Variants in EPB41L1 observed in about 807,000 individuals in gnomAD.
EPB41L1 encodes band 4.1-like protein 1.
Under a neutral mutation model 97.8 loss-of-function variants are expected in EPB41L1, and 29 were observed. The ratio of observed to expected loss-of-function variants is 0.30; its 90% confidence interval spans 0.22 to 0.40. EPB41L1 has a LOEUF of 0.40. Among genes scored for constraint, EPB41L1 ranks in the 10% least tolerant of loss-of-function variants. The probability of loss-of-function intolerance (pLI) is 1.00; values close to 1 mark genes in which losing one functional copy is unlikely to be tolerated. For missense variants in EPB41L1, 812 were observed against 1,162.3 expected (o/e 0.70, Z 4.38); for synonymous variants, 383 against 459.2 (o/e 0.83, Z 2.12).
intron 2 of EPB41L1, among the ~76,000 whole-genome samples, chr20:36,132,839 A>C (rs1232561639): frequency 1.3e-5 from 2 of 152,190 alleles, no homozygotes; most frequent in African/African-American, 4.8e-5. Context: ...TGGCCTTCAG[A>C]GGTAGTCCTG....
At chr20:36,117,398 G>A (rs2058618814) in intron 2 of EPB41L1, among the ~76,000 whole-genome samples, 1 of 151,760 alleles carries the variant, frequency 6.6e-6, no homozygotes, top group South Asian at 2.1e-4. Context: ...TCTGTAAGGG[G>A]AAAAGAGGCA....
rs367898174 is a variant in EPB41L1, at chr20:36,224,940, G to C, written c.2637+2546G>C. On this transcript the variant is annotated intron_variant, in intron 21 of 21. Coordinates refer to ENST00000338074, the MANE Select transcript of EPB41L1 (RefSeq NM_012156.2). ...GGATTCAAGTGATTCTCGTGCCTCAGCCTCCCAAGTAGCTGAGACTACAGG... is the reference window on the plus strand; with the variant it reads ...GGATTCAAGTGATTCTCGTGCCTCACCCTCCCAAGTAGCTGAGACTACAGG... Among the ~76,000 whole-genome samples the C allele has an allele frequency of 2.0e-4, 31 of 152,192 alleles. No homozygotes were observed. In the East Asian group the frequency reaches 5.8e-3, roughly 29 times the overall value.
At chr20:36,217,035 C>T (rs1339125055) in intron 17 of EPB41L1, among the ~76,000 whole-genome samples, 1 of 152,112 alleles carries the variant, frequency 6.6e-6, no homozygotes, top group Non-Finnish European at 1.5e-5. Flanking sequence ...AGGGTGGGGC[C>T]CAGCAGTGTG....
intron 13 of EPB41L1, 86 bp from the exon 14 acceptor site, chr20:36,197,773 T>C: frequency 6.2e-7 from 1 of 1,611,684 alleles, no homozygotes. Context: ...AGGGTGGTGA[T>C]GGTGACTGCT....
chr20:36,104,398 T>C (rs2058121979), intron 1 of EPB41L1, among the ~76,000 whole-genome samples: 1 of 152,092 alleles, frequency 6.6e-6, no homozygotes, highest in South Asian at 2.1e-4. Flanking sequence ...AGAAGGGGCA[T>C]AGGGTCGGCA....
Position 36,092,707 on chromosome 20 carries a change from G to C in EPB41L1, c.-65+1095G>C, listed in dbSNP as rs929288512. The C allele has an allele frequency of 1.3e-5, 2 of 151,812 alleles. No individual in the cohort carries two copies. The highest frequency in any genetic ancestry group is 2.4e-5 in the African/African-American group (1 of 41,322). The allele number at this position is 151,812 out of a possible 1,614,324, so 9.4% of individuals were successfully genotyped here. A position where few individuals can be genotyped will look rare whatever the true frequency, so the allele number is the denominator to read the frequency against. ...AGCAGGAGCGAGCGCGCGAGAGAGC[G>C]GGGCATTTCTGCGCAGCTCTAGCGC... On this transcript the variant is annotated intron_variant, in intron 1 of 19. Transcript: ENST00000202028. The surrounding 1 kb of genome is among the most constrained non-coding windows in gnomAD (Gnocchi z 7.0).
intron 5 of EPB41L1, among the ~76,000 whole-genome samples, chr20:36,181,244 C>T (rs1053546750): frequency 5.3e-5 from 8 of 152,146 alleles, no homozygotes; most frequent in Admixed American, 3.9e-4. Flanking sequence ...CTGAAATGTT[C>T]CAGGGGTGGG....
intron 14 of EPB41L1, among the ~76,000 whole-genome samples, chr20:36,199,960 A>G (rs2062409339): frequency 6.6e-6 from 1 of 152,140 alleles, no homozygotes; most frequent in South Asian, 2.1e-4. Flanking sequence ...GGGTCTTAGT[A>G]AAAGGTGGAA....
Position 36,218,904 on chromosome 20 carries a change from C to T in EPB41L1, c.2297C>T (p.Ala766Val), listed in dbSNP as rs761764835. ...AACAGTCTCAAGTCCGGGAAGGGGG[C>T]AGCTGCCATGATCCCAGGCCCACAG... is the stretch of plus-strand genomic sequence containing the variant. Reference protein sequence around the residue: ...MENSLKSGKGAAAMIPGPQTV... With the variant: ...MENSLKSGKGVAAMIPGPQTV... The change falls in exon 18 of 22, where the codon GCA becomes GTA. Residue 766 changes from alanine (A) to valine (V), a missense_variant. Transcript: ENST00000338074. 6.2e-7 allele frequency: 1 copy of T among 1,614,168 alleles called. No individual in the cohort carries two copies.
At chr20:36,194,031 G>T (rs1042462164) in intron 11 of EPB41L1, among the ~76,000 whole-genome samples, 181 bp from the exon 12 acceptor site, 2 of 152,196 alleles carry the variant, frequency 1.3e-5, no homozygotes, top group African/African-American at 4.8e-5. Context: ...TGGGCTGGGA[G>T]GCAGCTCTGC....
Position 36,232,448 on chromosome 20 carries a change from C to T in EPB41L1, c.*3108C>T, listed in dbSNP as rs1385220496. The stretch of plus-strand genomic sequence containing the variant: ...GAAAGAACCAGATGCTCTCCAGGGT[C>T]TTTTTCTACTTTGCTATCTCATGGG... On this transcript the variant is annotated 3_prime_UTR_variant, in exon 22 of 22. Transcript: ENST00000338074. The T allele has an allele frequency of 2.5e-6, 1 of 396,816 alleles. No individual in the cohort carries two copies. Among genetic ancestry groups the T allele is most frequent in the Admixed American group, 4.4e-5 (1 of 22,670 alleles). The allele number at this position is 396,816 out of a possible 1,614,324, so 24.6% of individuals were successfully genotyped here.
chr20:36,124,973 G>A (rs559321113), intron 2 of EPB41L1, among the ~76,000 whole-genome samples: 50 of 152,264 alleles, frequency 3.3e-4, no homozygotes, highest in African/African-American at 7.0e-4. Context: ...TGATGCACTC[G>A]TGCCAGATCT....
At chr20:36,128,647 G>A (rs961266255) in intron 2 of EPB41L1, among the ~76,000 whole-genome samples, 5 of 152,204 alleles carry the variant, frequency 3.3e-5, no homozygotes, top group Non-Finnish European at 7.3e-5. Flanking sequence ...CGTGCATTTG[G>A]GCTGTAAGCA....
intron 17 of EPB41L1, among the ~76,000 whole-genome samples, chr20:36,218,444 A>G (rs1325718763): frequency 6.6e-6 from 1 of 152,086 alleles, no homozygotes; most frequent in Non-Finnish European, 1.5e-5. Flanking sequence ...CATTAGCTTC[A>G]TAGGTTCTGT....
intron 2 of EPB41L1, among the ~76,000 whole-genome samples, chr20:36,148,424 C>A (rs4142033): frequency 6.6e-6 from 1 of 152,080 alleles, no homozygotes; most frequent in Admixed American, 6.6e-5. Context: ...GTCTCCCAGG[C>A]AGAGAAGAGG....
At position 36,170,007 on chromosome 20, in the gene EPB41L1, C is replaced by T. The variant is rs553026654; in HGVS notation, c.-14-3757C>T. Among the ~76,000 whole-genome samples the T allele has an allele frequency of 8.5e-4, 129 of 152,360 alleles. 1 individual carries two copies. Among genetic ancestry groups the T allele is most frequent in the South Asian group, 2.5e-3 (12 of 4,828 alleles). ...AGCAGGCTCCATCAGTCTGTGCTCA[C>T]CTGGGCCTGGGCAGAACCATGCCCA... is the stretch of plus-strand genomic sequence containing the variant. On this transcript the variant is annotated intron_variant, in intron 1 of 21. Transcript: ENST00000338074.
At chr20:36,155,303 C>T (rs535273498) in intron 1 of EPB41L1, 2 of 395,848 alleles carry the variant, frequency 5.1e-6, no homozygotes, top group South Asian at 3.7e-5. Context: ...CGAGCCCTTG[C>T]CCTCATCTCT....
intron 16 of EPB41L1, among the ~76,000 whole-genome samples, chr20:36,213,210 C>A (rs1450150827): frequency 6.6e-6 from 1 of 152,052 alleles, no homozygotes; most frequent in Admixed American, 6.6e-5. Flanking sequence ...CCAGCCTGGG[C>A]AATATAGGGA....
rs144033272 is a variant in EPB41L1 at position 36,177,664 on chromosome 20, G to A, written c.343-288G>A. 8.6e-3 allele frequency among the ~76,000 whole-genome samples: 1,314 copies of A among 152,308 alleles called. 27 individuals carry two copies. The highest frequency in any genetic ancestry group is 0.03 in the African/African-American group (1,229 of 41,568). On this transcript the variant is annotated intron_variant, in intron 3 of 21. Transcript: ENST00000338074. ...ATCACTAAAAAGGAAGGAGAAAGCC[G>A]TCACTTCCTATGCCTTCCACTTCAG...
Sources: gnomAD v4.1 joint callset for allele counts (sites outside exome capture counted in the v4.1 genomes callset) on GRCh38, gnomAD v4.1.1 for gene constraint, Gnocchi (gnomAD v3.1) non-coding constraint, MANE v1.5 for transcripts, NCBI Gene and HGNC (gene_info 2026-07-23, HGNC 2026-07-21) for gene names.